Variants in NDUFV2 observed in about 807,000 individuals in gnomAD.
The protein encoded by NDUFV2 is NADH:ubiquinone oxidoreductase core subunit V2, also known as NADH dehydrogenase [ubiquinone] flavoprotein 2, mitochondrial.
Under a neutral mutation model 31.6 loss-of-function variants are expected in NDUFV2, and 18 were observed. That is an observed-to-expected ratio of 0.57 (90% CI 0.39 to 0.84). The LOEUF (loss-of-function observed/expected upper bound fraction) is 0.84, where lower values mean the gene tolerates loss of function less well. NDUFV2 is among the 40% of genes least tolerant of loss of function. The probability of loss-of-function intolerance (pLI) is 0.00; values close to 1 mark genes in which losing one functional copy is unlikely to be tolerated. For synonymous variants in NDUFV2, 83 were observed against 99.8 expected, an observed-to-expected ratio of 0.83 and a Z score of 1.01; for missense variants, 314 against 303.6, an observed-to-expected ratio of 1.03 and a Z score of -0.26.
intron 7 of NDUFV2, among the ~76,000 whole-genome samples, chr18:9,132,971 G>A (rs367619997): frequency 5.9e-5 from 9 of 152,194 alleles, no homozygotes; most frequent in Admixed American, 3.3e-4. Context: ...CAAGTTTCAG[G>A]CTCTTACAGT....
At chr18:9,113,034 A>G (rs1182968267) in intron 1 of NDUFV2, among the ~76,000 whole-genome samples, 1 of 149,790 alleles carries the variant, frequency 6.7e-6, no homozygotes, top group African/African-American at 2.6e-5. Context: ...TTCCATAAAT[A>G]CTCTACATAT....
chr18:9,129,188 G>A (rs142947198), intron 7 of NDUFV2, among the ~76,000 whole-genome samples: 1 of 152,252 alleles, frequency 6.6e-6, no homozygotes, highest in East Asian at 1.9e-4. Flanking sequence ...TGATCTGCCT[G>A]CCTTGGCCTC....
chr18:9,119,703 C>G, intron 4 of NDUFV2, 113 bp downstream of exon 4: 1 of 897,724 alleles, frequency 1.1e-6, no homozygotes, highest in Admixed American at 1.9e-5. Context: ...GATTTTGGAG[C>G]CCTTTAGCCA....
At chr18:9,128,438 T>G (rs977708920) in intron 7 of NDUFV2, among the ~76,000 whole-genome samples, 5 of 152,234 alleles carry the variant, frequency 3.3e-5, no homozygotes, top group Admixed American at 2.0e-4. Context: ...AAACGTATAC[T>G]GTTCTTAACA....
chr18:9,103,974 A>G (rs1481534294), intron 1 of NDUFV2: 20 of 564,460 alleles, frequency 3.5e-5, no homozygotes, highest in Non-Finnish European at 6.0e-5. Flanking sequence ...AGATTTAGAC[A>G]GTTCCCGTTC....
At chr18:9,113,091 G>A (rs913686355) in intron 1 of NDUFV2, among the ~76,000 whole-genome samples, 20 of 152,164 alleles carry the variant, frequency 1.3e-4, no homozygotes, top group African/African-American at 4.3e-4. Context: ...TCCAGAGCCT[G>A]TTTCCTCATT....
At chr18:9,122,139 A>AT (rs1396746907) in intron 4 of NDUFV2, among the ~76,000 whole-genome samples, 3 of 152,138 alleles carry the variant, frequency 2.0e-5, no homozygotes, top group Non-Finnish European at 4.4e-5. Context: ...TTGGCCATCA[A>AT]TTTTTTGCCA....
chr18:9,126,878 G>T lies in NDUFV2; in HGVS notation c.627G>T (p.Lys209Asn), dbSNP rs568512775. 22 of 1,613,964 alleles carry T rather than the reference G, an allele frequency of 1.4e-5. No individual in the cohort carries two copies. Among genetic ancestry groups the T allele is most frequent in the African/African-American group, 1.1e-4 (8 of 75,038 alleles). ...TTGAAGAAATTATTGATGAGCTCAA[G>T]GCTGGCAAAATCCCAAAACCAGGGC... Reference protein sequence around the residue: ...KDIEEIIDELKAGKIPKPGPR... With the variant: ...KDIEEIIDELNAGKIPKPGPR... Residue 209 changes from lysine to asparagine, a missense_variant, in exon 7 of 8, where the codon AAG (lysine) becomes AAT (asparagine). By Grantham distance (94) the Lys-to-Asn change is moderately conservative. Transcript: ENST00000318388.
At chr18:9,121,136 GA>G (rs749639311) in intron 4 of NDUFV2, 1 of 152,082 alleles carries the variant, frequency 6.6e-6, no homozygotes, top group South Asian at 2.1e-4. Flanking sequence ...TTGTGTGGGG[GA>G]AAGGCAGGAA....
intron 7 of NDUFV2, chr18:9,132,336 TC>T (rs2078047133): frequency 6.6e-6 from 1 of 152,192 alleles, no homozygotes; most frequent in Non-Finnish European, 1.5e-5. Context: ...TTTTGGAAGA[TC>T]CATATCTATC....
At chr18:9,105,103 A>G in intron 1 of NDUFV2, 2 of 1,098,116 alleles carry the variant, frequency 1.8e-6, no homozygotes, top group Non-Finnish European at 1.2e-6. Flanking sequence ...ATGTTCTATT[A>G]CTTATACAAC....
intron 1 of NDUFV2, 98 bp from the exon 2 acceptor site, chr18:9,117,740 G>A: frequency 1.4e-6 from 1 of 732,150 alleles, no homozygotes; most frequent in Non-Finnish European, 2.5e-6. Context: ...TTTATAAGTT[G>A]ATTCCATTGT....
chr18:9,127,610 T>C (rs1235669700), intron 7 of NDUFV2, among the ~76,000 whole-genome samples: 5 of 152,180 alleles, frequency 3.3e-5, no homozygotes, highest in African/African-American at 1.2e-4. Context: ...TAGCTGGGAT[T>C]ACAGGTGCCA....
intron 1 of NDUFV2, among the ~76,000 whole-genome samples, chr18:9,111,147 G>A (rs2077868055): frequency 6.6e-6 from 1 of 152,066 alleles, no homozygotes; most frequent in Non-Finnish European, 1.5e-5. Flanking sequence ...CAGTCAGGTG[G>A]CTAATAATAA....
chr18:9,106,859 T>C (rs567397347), intron 1 of NDUFV2, among the ~76,000 whole-genome samples: 1 of 152,094 alleles, frequency 6.6e-6, no homozygotes, highest in Admixed American at 6.5e-5. Flanking sequence ...CCTTCTTTCA[T>C]CTCCAAAGCC....
chr18:9,106,489 T>G (rs2077842696), intron 1 of NDUFV2, among the ~76,000 whole-genome samples: 1 of 152,194 alleles, frequency 6.6e-6, no homozygotes, highest in African/African-American at 2.4e-5. Flanking sequence ...GTGGTGGTAC[T>G]TTTCCTTCCA....
intron 5 of NDUFV2, among the ~76,000 whole-genome samples, chr18:9,122,925 T>C (rs1157452492): frequency 6.6e-6 from 1 of 152,230 alleles, no homozygotes; most frequent in African/African-American, 2.4e-5. Context: ...GAAATGCTTG[T>C]AGAAGTTATA....
chr18:9,125,103 A>G, intron 6 of NDUFV2, 120 bp downstream of exon 6: 1 of 1,073,820 alleles, frequency 9.3e-7, no homozygotes, highest in Non-Finnish European at 1.3e-6. Context: ...AGAAATGGTT[A>G]CCATAAATAT....
intron 1 of NDUFV2, among the ~76,000 whole-genome samples, chr18:9,105,965 T>C (rs1265322952): frequency 6.6e-6 from 1 of 152,204 alleles, no homozygotes; most frequent in Non-Finnish European, 1.5e-5. Flanking sequence ...TTTTGGATTG[T>C]ATGCTGAATT....
Sources: allele counts gnomAD v4.1 joint callset (sites outside exome capture counted in the v4.1 genomes callset), GRCh38; gene constraint gnomAD v4.1.1; transcripts MANE v1.5; gene names NCBI Gene and HGNC (gene_info 2026-07-23, HGNC 2026-07-21).